Variants in GNAL observed in about 807,000 individuals in gnomAD.
GNAL encodes guanine nucleotide-binding protein G(olf) subunit alpha.
GNAL carries 18 observed loss-of-function variants against 55.1 expected under a neutral mutation model. That is an observed-to-expected ratio of 0.33 (90% CI 0.23 to 0.48). GNAL has a LOEUF of 0.48. GNAL is among the 20% of genes least tolerant of loss of function. The probability of loss-of-function intolerance (pLI) is 0.99; values close to 1 mark genes in which losing one functional copy is unlikely to be tolerated. For missense variants in GNAL, 412 were observed against 614.1 expected (o/e 0.67, Z 3.48); for synonymous variants, 253 against 237.0 (o/e 1.07, Z -0.62).
chr18:11,861,670 C>T (rs2036141143), intron 5 of GNAL, among the ~76,000 whole-genome samples: 1 of 152,118 alleles, frequency 6.6e-6, no homozygotes, highest in Admixed American at 6.5e-5. Context: ...AGAGGGAGCT[C>T]GGCGGCCTCC....
chr18:11,838,418 C>T (rs1278603625), intron 5 of GNAL, among the ~76,000 whole-genome samples: 2 of 152,124 alleles, frequency 1.3e-5, no homozygotes, highest in South Asian at 2.1e-4. Context: ...GATGAGGAAT[C>T]GCTTTAATGT....
intron 1 of GNAL, among the ~76,000 whole-genome samples, chr18:11,696,899 C>T (rs922124249): frequency 1.1e-4 from 16 of 152,180 alleles, no homozygotes; most frequent in African/African-American, 3.6e-4. Flanking sequence ...TGCAGAGGGG[C>T]GTATGTGATG....
chr18:11,765,277 A>T (rs570325683), intron 4 of GNAL, among the ~76,000 whole-genome samples: 52 of 152,314 alleles, frequency 3.4e-4, no homozygotes, highest in Admixed American at 1.2e-3. Context: ...TTTGGTTTTT[A>T]AATTTTTTGA....
chr18:11,823,466 C>T (rs1461017336), intron 4 of GNAL, among the ~76,000 whole-genome samples: 6 of 152,190 alleles, frequency 3.9e-5, no homozygotes, highest in East Asian at 1.9e-4. Context: ...ATTTTCTAAA[C>T]GCTAATAAAG....
intron 4 of GNAL, among the ~76,000 whole-genome samples, chr18:11,758,815 A>G (rs138356383): frequency 8.0e-4 from 122 of 152,338 alleles, no homozygotes; most frequent in South Asian, 1.5e-3. Flanking sequence ...AGCAGATGCA[A>G]TGATGCAAAA....
At chr18:11,796,988 T>C (rs1480541092) in intron 4 of GNAL, among the ~76,000 whole-genome samples, 2 of 152,206 alleles carry the variant, frequency 1.3e-5, no homozygotes, top group Non-Finnish European at 2.9e-5. Flanking sequence ...AGGGTCTCAC[T>C]GTGCCACCCA....
chr18:11,689,896 C>G lies in GNAL; in HGVS notation c.333C>G (p.Asp111Glu), dbSNP rs2143268116. Residue 111 changes from aspartate to glutamate, a missense_variant, in exon 1 of 12, where the codon GAC becomes GAG. Coordinates refer to ENST00000334049, the MANE Select transcript of GNAL (RefSeq NM_182978.4). The stretch of plus-strand genomic sequence containing the variant: ...GGGGCATCGACCGCATGCTGCGCGA[C>G]CAGAAGCGCGACCTGCAGCAGACGC... Reference protein sequence around the residue: ...VSRGIDRMLRDQKRDLQQTHR... With the variant: ...VSRGIDRMLREQKRDLQQTHR... The G allele has an allele frequency of 1.4e-6, 2 of 1,480,062 alleles. No individual in the cohort carries two copies. Among genetic ancestry groups the G allele is most frequent in the South Asian group, 1.3e-5 (1 of 77,330 alleles). The allele number at this position is 1,480,062 out of a possible 1,614,324, so 91.7% of individuals were successfully genotyped here. A position where few individuals can be genotyped will look rare whatever the true frequency, so the allele number is the denominator to read the frequency against.
In GNAL at chr18:11,692,266, T is replaced by A. The variant is rs368758110; in HGVS notation, c.376+2327T>A. ...ATTGAGTTTGAGAGGACTTGTCCAC[T>A]GCAAGAATGAATAATTTAAAACAAC... On this transcript the variant is annotated intron_variant, in intron 1 of 11. Transcript: ENST00000334049. 2.5e-4 allele frequency among the ~76,000 whole-genome samples: 38 copies of A among 152,334 alleles called. No individual in the cohort carries two copies. The South Asian group carries it at 7.9e-3, about 32-fold the overall frequency.
intron 1 of GNAL, chr18:11,746,477 G>A (rs1598425256): frequency 1.2e-5 from 3 of 251,020 alleles, no homozygotes; most frequent in East Asian, 1.0e-4. Context: ...AGGAGTGGTG[G>A]CACATGCCTG....
At chr18:11,811,890 G>A (rs2034827359) in intron 4 of GNAL, among the ~76,000 whole-genome samples, 1 of 152,168 alleles carries the variant, frequency 6.6e-6, no homozygotes, top group South Asian at 2.1e-4. Context: ...AGATAACTTA[G>A]AGGCTTGTCT....
intron 4 of GNAL, among the ~76,000 whole-genome samples, chr18:11,796,773 T>C (rs1392776280): frequency 6.6e-6 from 1 of 152,160 alleles, no homozygotes; most frequent in African/African-American, 2.4e-5. Flanking sequence ...TTCATTTCAG[T>C]TAATAATGCT....
At chr18:11,745,335 G>T (rs543401723) in intron 1 of GNAL, among the ~76,000 whole-genome samples, 106 of 152,090 alleles carry the variant, frequency 7.0e-4, no homozygotes, top group African/African-American at 2.5e-3. Context: ...TACTGCTATT[G>T]GGGACTTAAG....
chr18:11,733,475 C>G (rs960790932), intron 1 of GNAL, among the ~76,000 whole-genome samples: 4 of 152,206 alleles, frequency 2.6e-5, no homozygotes, highest in African/African-American at 9.6e-5. Context: ...CAGCCTCTCA[C>G]TGGTGTGTTC....
At chr18:11,746,772 A>G (rs2032696716) in intron 1 of GNAL, 1 of 397,698 alleles carries the variant, frequency 2.5e-6, no homozygotes, top group South Asian at 2.0e-5. Flanking sequence ...TACACTCCCC[A>G]GACATTTGTG....
At chr18:11,799,655 A>G (rs905488711) in intron 4 of GNAL, among the ~76,000 whole-genome samples, 2 of 152,180 alleles carry the variant, frequency 1.3e-5, no homozygotes, top group South Asian at 4.1e-4. Context: ...AGATTTCTGG[A>G]TTAGGGATGC....
At chr18:11,788,111 C>T (rs1410405975) in intron 4 of GNAL, among the ~76,000 whole-genome samples, 4 of 152,156 alleles carry the variant, frequency 2.6e-5, no homozygotes, top group Non-Finnish European at 5.9e-5. Flanking sequence ...TTACACACCC[C>T]TGAGAATTTC....
intron 1 of GNAL, among the ~76,000 whole-genome samples, chr18:11,741,117 C>A (rs2032566831): frequency 6.6e-6 from 1 of 152,210 alleles, no homozygotes; most frequent in Non-Finnish European, 1.5e-5. Context: ...TCATTATATG[C>A]AGATTAATCT....
intron 5 of GNAL, chr18:11,851,769 C>T: frequency 3.1e-6 from 5 of 1,613,938 alleles, no homozygotes; most frequent in Non-Finnish European, 4.2e-6. Context: ...TGACGATGGG[C>T]AAGGTGACCA....
chr18:11,858,479 T>C (rs1427828752), intron 5 of GNAL, among the ~76,000 whole-genome samples: 1 of 152,216 alleles, frequency 6.6e-6, no homozygotes, highest in African/African-American at 2.4e-5. Flanking sequence ...AATGTAATCA[T>C]ATGCAAAATT....
Sources: allele counts gnomAD v4.1 joint callset (sites outside exome capture counted in the v4.1 genomes callset), GRCh38; gene constraint gnomAD v4.1.1; transcripts MANE v1.5; gene names NCBI Gene and HGNC (gene_info 2026-07-23, HGNC 2026-07-21).